The following STX18 variants were observed in gnomAD, a reference collection of about 807,000 sequenced individuals.
STX18 encodes the protein syntaxin-18.
In STX18, 40 loss-of-function variants were observed where a neutral mutation model predicts 50.1. The observed-to-expected ratio is 0.80, with a 90% confidence interval of 0.62 to 1.04. The LOEUF (loss-of-function observed/expected upper bound fraction) is 1.04, where lower values mean the gene tolerates loss of function less well. STX18 is among the 50% of genes least tolerant of loss of function. The pLI is 0.00. For missense variants in STX18, 410 were observed against 415.8 expected (o/e 0.99, Z 0.12); for synonymous variants, 158 against 151.8 (o/e 1.04, Z -0.30).
chr4:4,422,883 C>T (rs770743646), intron 9 of STX18, among the ~76,000 whole-genome samples: 2 of 152,200 alleles, frequency 1.3e-5, no homozygotes, highest in African/African-American at 4.8e-5. Flanking sequence ...GTCTTTCAAA[C>T]GTTCCCATAG....
At position 4,483,801 on chromosome 4, in the gene STX18, GA is replaced by G. The variant is rs1259589395; in HGVS notation, c.169-12096del. The stretch of plus-strand genomic sequence containing the variant: ...ACTCTGAATCGAGGTCAGCTACTGT[GA>G]TCTACTCCACCTGAGTCTTCTCTCT... On this transcript the variant is annotated intron_variant, in intron 1 of 10. Transcript: ENST00000306200. Among the ~76,000 whole-genome samples, 7 of 152,256 alleles carry G rather than the reference GA, an allele frequency of 4.6e-5. No individual in the cohort carries two copies. The East Asian group carries it at 1.3e-3, about 29-fold the overall frequency.
At chr4:4,475,602 A>C (rs570907379) in intron 1 of STX18, among the ~76,000 whole-genome samples, 21 of 152,344 alleles carry the variant, frequency 1.4e-4, no homozygotes, top group Admixed American at 9.8e-4. Context: ...TTGACTGTTT[A>C]ATCACATGAC....
chr4:4,484,460 T>A (rs1030543881), intron 1 of STX18, among the ~76,000 whole-genome samples: 1 of 152,198 alleles, frequency 6.6e-6, no homozygotes, highest in Admixed American at 6.5e-5. Context: ...TAGGTCTTCA[T>A]TATATGCACA....
intron 5 of STX18, among the ~76,000 whole-genome samples, chr4:4,442,163 T>G (rs1370495864): frequency 6.6e-6 from 1 of 152,156 alleles, no homozygotes; most frequent in Non-Finnish European, 1.5e-5. Flanking sequence ...CAGACTCAAC[T>G]GCATATATGT....
chr4:4,477,035 A>T (rs180760637), intron 1 of STX18, among the ~76,000 whole-genome samples: 164 of 152,256 alleles, frequency 1.1e-3, no homozygotes, highest in African/African-American at 3.8e-3. Flanking sequence ...CCCCGTCTCT[A>T]TTAAAAATAC....
At chr4:4,495,044 G>C (rs1040847003) in intron 1 of STX18, among the ~76,000 whole-genome samples, 1 of 152,210 alleles carries the variant, frequency 6.6e-6, no homozygotes, top group Admixed American at 6.5e-5. Flanking sequence ...GGAGCCAGAG[G>C]AAAGAGGTTG....
chr4:4,514,744 A>G (rs1040524159), intron 1 of STX18, among the ~76,000 whole-genome samples: 1 of 152,192 alleles, frequency 6.6e-6, no homozygotes, highest in African/African-American at 2.4e-5. Flanking sequence ...TTAGGTAATG[A>G]AAGCAGGAAC....
At chr4:4,499,645 G>C (rs1277444504) in intron 1 of STX18, 1 of 507,144 alleles carries the variant, frequency 2.0e-6, no homozygotes, top group Non-Finnish European at 2.5e-6. Context: ...CATTAAACCT[G>C]AACCAGGTGA....
In STX18 at chr4:4,457,752, T is replaced by A. The variant is rs557175158; in HGVS notation, c.353-252A>T. On this transcript the variant is annotated intron_variant, in intron 3 of 10. Transcript: ENST00000306200. ...TTTATCAGAACACTTAAGGATAGTA[T>A]TTGACGCAGCCACTTCTTGAGTGCT... Among the ~76,000 whole-genome samples, 14 of 152,354 alleles carry A rather than the reference T, an allele frequency of 9.2e-5. No homozygotes were observed. In the South Asian group the frequency reaches 2.7e-3, roughly 29 times the overall value.
intron 1 of STX18, among the ~76,000 whole-genome samples, chr4:4,511,713 AGTGTGTGTGTGTGTGTGTGTGT>A (rs3038434): frequency 5.8e-5 from 8 of 137,420 alleles, no homozygotes; most frequent in East Asian, 2.2e-4. Flanking sequence ...ACTCATGATT[AGTGTGTGTGTGTGTGTGTGTGT>A]GTGTGTGTGT....
Position 4,423,521 on chromosome 4 carries a change from T to C in STX18, c.828A>G (p.Gln276=). ...LQEIFTEKVL[Q]QEAEIDSIHQ... is the part of the protein sequence containing the mutation. ...TCCTTTGTTTTTGTTTTTTTACCTG[T>C]TGCAAAACCTTTTCCGTGAATATCT... Residue 276 remains glutamine, a synonymous_variant, in exon 9 of 11, where the codon CAA becomes CAG. Coordinates refer to ENST00000306200, the MANE Select transcript of STX18 (RefSeq NM_016930.4). 1 of 1,614,212 alleles carries C rather than the reference T, an allele frequency of 6.2e-7. No individual in the cohort carries two copies. The highest frequency in any genetic ancestry group is 1.1e-5 in the South Asian group (1 of 91,084).
At chr4:4,478,449 A>G (rs1163087595) in intron 1 of STX18, among the ~76,000 whole-genome samples, 2 of 152,206 alleles carry the variant, frequency 1.3e-5, no homozygotes, top group African/African-American at 4.8e-5. Flanking sequence ...GCCACCTGAA[A>G]ACATGGTTTA....
intron 1 of STX18, among the ~76,000 whole-genome samples, chr4:4,483,769 C>A (rs939504152): frequency 2.0e-5 from 3 of 152,208 alleles, no homozygotes; most frequent in Admixed American, 2.0e-4. Flanking sequence ...GTAAAAAGTT[C>A]TTTCTTACTC....
At position 4,471,773 on chromosome 4, in the gene STX18, T is replaced by G. The variant is rs769668740; in HGVS notation, c.169-67A>C. The G allele has an allele frequency of 1.1e-4, 124 of 1,170,590 alleles. 1 individual carries two copies. Among genetic ancestry groups the G allele is most frequent in the Non-Finnish European group, 1.4e-4 (121 of 836,598 alleles). 72.5% of individuals were successfully genotyped at this position (1,170,590 alleles called of 1,614,324 possible). A position where few individuals can be genotyped will look rare whatever the true frequency, so the allele number is the denominator to read the frequency against. ...TACACTCATGTAATGAATTTTAAAT[T>G]AATAGAGAATAAAATGCAAATTGCA... On this transcript the variant is annotated intron_variant, in intron 1 of 10. Transcript: ENST00000306200.
At chr4:4,480,586 G>A (rs973949376) in intron 1 of STX18, among the ~76,000 whole-genome samples, 2 of 152,182 alleles carry the variant, frequency 1.3e-5, no homozygotes, top group African/African-American at 2.4e-5. Context: ...AGCTGCTGAG[G>A]CGTCTGCCTA....
intron 1 of STX18, among the ~76,000 whole-genome samples, chr4:4,517,135 C>T (rs1312685838): frequency 6.6e-6 from 1 of 152,164 alleles, no homozygotes; most frequent in Non-Finnish European, 1.5e-5. Context: ...TGGAAAACAG[C>T]TATAGAATTC....
intron 2 of STX18, among the ~76,000 whole-genome samples, chr4:4,465,143 G>T (rs573158714): frequency 6.6e-6 from 1 of 152,064 alleles, no homozygotes; most frequent in Non-Finnish European, 1.5e-5. Flanking sequence ...TTGTTCTGTT[G>T]GTGGGAGCAT....
intron 1 of STX18, chr4:4,507,227 T>C (rs1729755536): frequency 1.6e-6 from 1 of 634,182 alleles, no homozygotes; most frequent in South Asian, 1.4e-5. Flanking sequence ...ATTATGAGGG[T>C]AAACAACCCA....
At chr4:4,480,120 G>T (rs1010073301) in intron 1 of STX18, among the ~76,000 whole-genome samples, 2 of 152,186 alleles carry the variant, frequency 1.3e-5, no homozygotes, top group African/African-American at 4.8e-5. Flanking sequence ...AGACTGCTCG[G>T]CAAGGTATCA....
Sources: gnomAD v4.1 joint callset for allele counts (sites outside exome capture counted in the v4.1 genomes callset) on GRCh38, gnomAD v4.1.1 for gene constraint, MANE v1.5 for transcripts, NCBI Gene and HGNC (gene_info 2026-07-23, HGNC 2026-07-21) for gene names.